Variants in FBN2 observed in about 807,000 individuals in gnomAD.
FBN2 encodes fibrillin 2.
In FBN2, 105 loss-of-function variants were observed where a neutral mutation model predicts 355.6. That is an observed-to-expected ratio of 0.30 (90% confidence interval 0.25 to 0.35). The LOEUF (loss-of-function observed/expected upper bound fraction) is 0.35, where lower values mean the gene tolerates loss of function less well. Among genes scored for constraint, FBN2 ranks in the 10% least tolerant of loss-of-function variants. FBN2 has a pLI of 1.00. For synonymous variants in FBN2, 1,350 were observed against 1,301.2 expected, an observed-to-expected ratio of 1.04 and a Z score of -0.81; for missense variants, 3,280 against 3,758.7, an observed-to-expected ratio of 0.87 and a Z score of 3.33.
chr5:128,357,176 C>T lies in FBN2; in HGVS notation c.2674+100G>A, dbSNP rs1329328968. 3 of 1,476,368 alleles carry T rather than the reference C, an allele frequency of 2.0e-6. No individual in the cohort carries two copies. In the African/African-American group the frequency reaches 4.2e-5, roughly 20 times the overall value. 91.5% of individuals were successfully genotyped at this position (1,476,368 alleles called of 1,614,324 possible). ...AACTAACATAATGTGTAATTCTTTG[C>T]TTTTTGGAATCATATTCTGTTTTTA... is the stretch of plus-strand genomic sequence containing the variant. On this transcript the variant is annotated intron_variant, in intron 20 of 64. Coordinates refer to ENST00000262464, the MANE Select transcript of FBN2 (RefSeq NM_001999.4).
rs56179946 is a variant in FBN2, at chr5:128,311,738, T to A, written c.4948+147A>T. 19 of 712,086 alleles carry A rather than the reference T, an allele frequency of 2.7e-5. No individual in the cohort carries two copies. In the East Asian group the frequency reaches 4.9e-4, roughly 18 times the overall value. 44.1% of individuals were successfully genotyped at this position (712,086 alleles called of 1,614,324 possible). ...GATCATTACTGCTTGATAAAAGTAG[T>A]AGTTTAACATTTTAGTAATTAAAGT... is the stretch of plus-strand genomic sequence containing the variant. On this transcript the variant is annotated intron_variant, in intron 38 of 64. Transcript: ENST00000262464.
At chr5:128,290,628 G>T in intron 50 of FBN2, 104 bp downstream of exon 50, 1 of 1,176,408 alleles carries the variant, frequency 8.5e-7, no homozygotes, top group Non-Finnish European at 1.3e-6. Flanking sequence ...GCAAGGAGAT[G>T]ATTTCACTCT....
chr5:128,278,292 T>A (rs1005337480), intron 57 of FBN2, among the ~76,000 whole-genome samples: 1 of 152,156 alleles, frequency 6.6e-6, no homozygotes, highest in African/African-American at 2.4e-5. Flanking sequence ...TCTAGAAAGC[T>A]ACCCCCTCAA....
chr5:128,514,028 G>A (rs1239232203), intron 5 of FBN2, among the ~76,000 whole-genome samples: 1 of 151,798 alleles, frequency 6.6e-6, no homozygotes, highest in East Asian at 1.9e-4. Context: ...GCAGAAATGT[G>A]TGTGTGTGTG....
chr5:128,528,669 A>G (rs62390667), intron 3 of FBN2, among the ~76,000 whole-genome samples: 72,678 of 152,096 alleles, frequency 0.48, 20,195 homozygotes, highest in African/African-American at 0.78. Flanking sequence ...AGACCTTGGA[A>G]ACCCAGGCAG....
chr5:128,456,518 C>G (rs998942667), intron 6 of FBN2, among the ~76,000 whole-genome samples: 2 of 152,118 alleles, frequency 1.3e-5, no homozygotes, highest in African/African-American at 4.8e-5. Context: ...TTGTCAGACT[C>G]CTTATAGAGG....
intron 31 of FBN2, among the ~76,000 whole-genome samples, chr5:128,333,992 A>G (rs567769168): frequency 6.6e-6 from 1 of 152,064 alleles, no homozygotes; most frequent in Admixed American, 6.5e-5. Context: ...TAAGTCTTCC[A>G]CCACCTGCCT....
intron 6 of FBN2, among the ~76,000 whole-genome samples, chr5:128,456,025 C>CAAAAAAAAAAAAAAAAAAAAAAAAA (rs1754384315): frequency 2.1e-5 from 1 of 46,746 alleles, no homozygotes; most frequent in Non-Finnish European, 3.9e-5. Context: ...AAAAAAAAAG[C>CAAAAAAAAAAAAAAAAAAAAAAAAA]AACTGCTGAA....
chr5:128,531,053 T>C (rs59984123), intron 2 of FBN2, among the ~76,000 whole-genome samples: 3,894 of 152,230 alleles, frequency 0.026, 174 homozygotes, highest in African/African-American at 0.09. Flanking sequence ...AAGATACTTG[T>C]ACATGCATGT....
At chr5:128,304,313 T>C (rs1043747599) in intron 45 of FBN2, among the ~76,000 whole-genome samples, 8 of 152,320 alleles carry the variant, frequency 5.3e-5, no homozygotes, top group Admixed American at 3.3e-4. Context: ...CCCAGCTTCA[T>C]GGCATCCAGC....
chr5:128,455,605 C>T (rs1754359428), intron 6 of FBN2, among the ~76,000 whole-genome samples: 1 of 151,936 alleles, frequency 6.6e-6, no homozygotes, highest in Non-Finnish European at 1.5e-5. Context: ...ACCAATGTAT[C>T]CAGGTTCTTT....
intron 5 of FBN2, among the ~76,000 whole-genome samples, chr5:128,467,771 G>T (rs532379316): frequency 1.2e-4 from 19 of 152,206 alleles, no homozygotes; most frequent in African/African-American, 2.9e-4. Flanking sequence ...ACATGACCAA[G>T]AAAATTTTGT....
At chr5:128,519,472 A>G in intron 4 of FBN2, 104 bp from the exon 5 acceptor site, 1 of 805,330 alleles carries the variant, frequency 1.2e-6, no homozygotes. Context: ...AAATTATAGT[A>G]CATTATGTTA....
intron 27 of FBN2, among the ~76,000 whole-genome samples, chr5:128,337,145 C>A (rs32223): frequency 0.21 from 31,929 of 151,918 alleles, 3,448 homozygotes; most frequent in African/African-American, 0.24. Flanking sequence ...CCTTTTGTAC[C>A]GCTATTAAAA....
chr5:128,259,555 T>C lies in FBN2; in HGVS notation c.8639A>G (p.Lys2880Arg), dbSNP rs1367710207. The change falls in exon 65 of 65, where the codon AAG (lysine) becomes AGG (arginine). Residue 2880 changes from lysine (K) to arginine (R), a missense_variant. Lys to Arg is a conservative substitution (Grantham distance 26, BLOSUM62 2). Around this residue, in one of 6 missense-constraint regions of FBN2, gnomAD observed 311 missense variants for 319.1 expected, o/e 0.97. Transcript: ENST00000262464. ...LEITSIPLYK[K>R]KELKKLEESN... Reference sequence around the variant, plus strand: ...CTCTTCCAGTTTCTTAAGCTCCTTCTTCTTGTAGAGAGGGATGCTAGTGAT... The same window carrying C: ...CTCTTCCAGTTTCTTAAGCTCCTTCCTCTTGTAGAGAGGGATGCTAGTGAT... 2 of 1,614,114 alleles carry C rather than the reference T, an allele frequency of 1.2e-6. No individual in the cohort carries two copies. Among genetic ancestry groups the C allele is most frequent in the Non-Finnish European group, 1.7e-6 (2 of 1,180,010 alleles).
chr5:128,309,341 C>A lies in FBN2; in HGVS notation c.5259G>T (p.Leu1753Phe). The A allele has an allele frequency of 1.2e-6, 2 of 1,613,614 alleles. No homozygotes were observed. The highest frequency in any genetic ancestry group is 1.7e-6 in the Non-Finnish European group (2 of 1,179,588). ...ACATCCTTTTTGTCACATTGAAAGG[C>A]AACTCATTCTCACAAGTGGTTCCAT... is the stretch of plus-strand genomic sequence containing the variant. ...SYNGTTCENE[L>F]PFNVTKRMCC... Residue 1753 changes from leucine (L) to phenylalanine (F), a missense_variant, in exon 41 of 65, where the codon TTG becomes TTT. By Grantham distance (22) the Leu-to-Phe change is conservative. This residue lies in a region of FBN2 where 2,284 missense variants were observed against 2,749.5 expected (regional missense o/e 0.83). Coordinates refer to ENST00000262464, the MANE Select transcript of FBN2 (RefSeq NM_001999.4).
chr5:128,303,156 T>C (rs536851429), intron 45 of FBN2, 67 bp from the exon 46 acceptor site: 1 of 898,168 alleles, frequency 1.1e-6, no homozygotes, highest in Non-Finnish European at 1.9e-6. Flanking sequence ...TTAACCGTTT[T>C]ATATGTTTAA....
chr5:128,304,384 C>T (rs32216), intron 45 of FBN2, among the ~76,000 whole-genome samples: 109,301 of 152,068 alleles, frequency 0.72, 39,355 homozygotes, highest in East Asian at 0.86. Context: ...AGCTCTATTA[C>T]CACTTGGCTA....
At chr5:128,288,613 G>A in intron 52 of FBN2, 56 bp from the exon 53 acceptor site, 1 of 1,594,534 alleles carries the variant, frequency 6.3e-7, no homozygotes, top group Non-Finnish European at 8.5e-7. Flanking sequence ...ACAGGAGAAT[G>A]CCCAGGAAGA....
Sources: allele counts gnomAD v4.1 joint callset (sites outside exome capture counted in the v4.1 genomes callset), GRCh38; gene constraint gnomAD v4.1.1; regional missense constraint gnomAD v4.1.1; transcripts MANE v1.5; gene names NCBI Gene and HGNC (gene_info 2026-07-23, HGNC 2026-07-21).